PDE11A: variants seen among roughly 807,000 people sequenced by gnomAD.
PDE11A encodes the protein dual 3',5'-cyclic-AMP and -GMP phosphodiesterase 11A.
Under a neutral mutation model 100.5 loss-of-function variants are expected in PDE11A, and 100 were observed. The observed-to-expected ratio is 1.00, with a 90% confidence interval of 0.85 to 1.18. The LOEUF (loss-of-function observed/expected upper bound fraction) is 1.18. Among genes scored for constraint, PDE11A ranks in the 50% most tolerant of loss-of-function variants. The probability of loss-of-function intolerance (pLI) is 0.00; values close to 1 mark genes in which losing one functional copy is unlikely to be tolerated. For synonymous variants in PDE11A, 381 were observed against 420.8 expected (o/e 0.91, Z 1.16); for missense variants, 1,141 against 1,152.6 (o/e 0.99, Z 0.15).
chr2:177,671,665 A>T (rs1166061162), intron 17 of PDE11A, among the ~76,000 whole-genome samples: 1 of 152,046 alleles, frequency 6.6e-6, no homozygotes, highest in Non-Finnish European at 1.5e-5. Flanking sequence ...TTTCCGATGG[A>T]AACATTAGGA....
chr2:177,931,948 C>T (rs1304259533), intron 2 of PDE11A, among the ~76,000 whole-genome samples: 1 of 147,086 alleles, frequency 6.8e-6, no homozygotes, highest in Non-Finnish European at 1.5e-5. Context: ...CCAAATAGAT[C>T]CAAATAAGCA....
intron 5 of PDE11A, among the ~76,000 whole-genome samples, chr2:177,844,184 A>G (rs1266561408): frequency 6.6e-6 from 1 of 152,182 alleles, no homozygotes; most frequent in Non-Finnish European, 1.5e-5. Context: ...AACAACAAAT[A>G]TTTATTTATC....
chr2:177,996,170 T>C (rs1312998737), intron 2 of PDE11A, among the ~76,000 whole-genome samples: 3 of 151,264 alleles, frequency 2.0e-5, no homozygotes, highest in Non-Finnish European at 2.9e-5. Flanking sequence ...GAGGTTGCAG[T>C]GAGCCGAGAT....
intron 9 of PDE11A, among the ~76,000 whole-genome samples, chr2:177,799,741 A>G (rs1214619222): frequency 6.6e-6 from 1 of 152,204 alleles, no homozygotes; most frequent in Non-Finnish European, 1.5e-5. Context: ...AGCAGTCTCC[A>G]GAGGGCAGTG....
At chr2:177,750,764 T>C (rs1376077933) in intron 10 of PDE11A, among the ~76,000 whole-genome samples, 1 of 152,224 alleles carries the variant, frequency 6.6e-6, no homozygotes, top group East Asian at 1.9e-4. Flanking sequence ...TTATTTAATA[T>C]AGCATTTAAA....
chr2:177,646,972 G>A (rs896384099), intron 19 of PDE11A, among the ~76,000 whole-genome samples: 18 of 152,210 alleles, frequency 1.2e-4, no homozygotes, highest in African/African-American at 4.3e-4. Context: ...TGGATTTTCA[G>A]AGCAGACTGG....
chr2:177,837,476 C>CTTTT (rs35254631), intron 6 of PDE11A, among the ~76,000 whole-genome samples: 5 of 141,702 alleles, frequency 3.5e-5, no homozygotes, highest in South Asian at 2.2e-4. Context: ...TTCTTTCTTT[C>CTTTT]TTTTTTTTTT....
intron 4 of PDE11A, among the ~76,000 whole-genome samples, chr2:177,895,047 G>C (rs1235608452): frequency 2.0e-5 from 3 of 151,702 alleles, no homozygotes; most frequent in Non-Finnish European, 4.4e-5. Context: ...CTGGGCCACT[G>C]TCACTCATAT....
intron 2 of PDE11A, among the ~76,000 whole-genome samples, chr2:178,095,379 T>G (rs2087474794): frequency 6.6e-6 from 1 of 152,220 alleles, no homozygotes; most frequent in African/African-American, 2.4e-5. Flanking sequence ...TGATCTCCTT[T>G]GACTTCATGT....
At chr2:178,100,674 A>T (rs1019055358) in intron 2 of PDE11A, among the ~76,000 whole-genome samples, 2 of 152,220 alleles carry the variant, frequency 1.3e-5, no homozygotes, top group African/African-American at 4.8e-5. Flanking sequence ...ATATTACCTA[A>T]ATAATCCAAT....
At chr2:178,060,319 T>C (rs2086951852) in intron 1 of PDE11A, among the ~76,000 whole-genome samples, 1 of 151,948 alleles carries the variant, frequency 6.6e-6, no homozygotes, top group Non-Finnish European at 1.5e-5. Context: ...AGTACATATA[T>C]GGAAAAAAAA....
intron 19 of PDE11A, among the ~76,000 whole-genome samples, chr2:177,648,383 C>T (rs2080255581): frequency 6.6e-6 from 1 of 152,112 alleles, no homozygotes; most frequent in Non-Finnish European, 1.5e-5. Flanking sequence ...AGTTTTATTT[C>T]ATTTTTAGAG....
upstream of PDE11A, among the ~76,000 whole-genome samples, chr2:178,076,456 C>T (rs546139666): frequency 2.6e-5 from 4 of 152,246 alleles, no homozygotes; most frequent in East Asian, 7.7e-4. Flanking sequence ...CTATGCTTTC[C>T]ACATTTTGCT....
At chr2:177,741,924 T>C (rs2081877185) in intron 10 of PDE11A, among the ~76,000 whole-genome samples, 2 of 151,652 alleles carry the variant, frequency 1.3e-5, no homozygotes, top group Non-Finnish European at 2.9e-5. Flanking sequence ...CCCAGCTACT[T>C]GGGAGGCTGA....
chr2:177,832,661 G>A (rs544225718), intron 6 of PDE11A, among the ~76,000 whole-genome samples: 4 of 151,956 alleles, frequency 2.6e-5, no homozygotes, highest in Non-Finnish European at 5.9e-5. Flanking sequence ...AAGATCTTGG[G>A]AGTTGGGCAA....
At chr2:178,104,213 C>A in intron 2 of PDE11A, 1 of 1,293,192 alleles carries the variant, frequency 7.7e-7, no homozygotes, top group Non-Finnish European at 1.1e-6. Context: ...TTTAACGCTG[C>A]AAATTAGGAA....
intron 1 of PDE11A, among the ~76,000 whole-genome samples, chr2:178,017,789 T>C (rs1211986116): frequency 6.6e-6 from 1 of 152,012 alleles, no homozygotes; most frequent in Non-Finnish European, 1.5e-5. Context: ...TGAAACCTTG[T>C]CTCTACTAAA....
intron 15 of PDE11A, among the ~76,000 whole-genome samples, chr2:177,686,396 G>T (rs1485393373): frequency 6.6e-6 from 1 of 152,002 alleles, no homozygotes; most frequent in African/African-American, 2.4e-5. Flanking sequence ...GTGGGATTCC[G>T]TCTCTAGAAA....
intron 2 of PDE11A, among the ~76,000 whole-genome samples, chr2:177,914,642 A>G (rs1307380279): frequency 6.6e-6 from 1 of 152,174 alleles, no homozygotes; most frequent in Non-Finnish European, 1.5e-5. Flanking sequence ...AAATGCAGGA[A>G]GCTACACAAT....
Sources: allele counts gnomAD v4.1 joint callset (sites outside exome capture counted in the v4.1 genomes callset), GRCh38; gene constraint gnomAD v4.1.1; transcripts MANE v1.5; gene names NCBI Gene and HGNC (gene_info 2026-07-23, HGNC 2026-07-21).